Variants in TMPRSS7 observed in about 807,000 individuals in gnomAD.
TMPRSS7 encodes transmembrane protease serine 7.
In TMPRSS7, 81 loss-of-function variants were observed where a neutral mutation model predicts 95.6. The ratio of observed to expected loss-of-function variants is 0.85; its 90% CI spans 0.71 to 1.02. The LOEUF (loss-of-function observed/expected upper bound fraction) is 1.02, where lower values mean the gene tolerates loss of function less well. TMPRSS7 is among the 50% of genes least tolerant of loss of function. The pLI, the probability that TMPRSS7 is intolerant of heterozygous loss-of-function variation, is 0.00. For missense variants in TMPRSS7, 945 were observed against 955.2 expected, an observed-to-expected ratio of 0.99 and a Z score of 0.14; for synonymous variants, 364 against 337.8, an observed-to-expected ratio of 1.08 and a Z score of -0.85.
intron 10 of TMPRSS7, among the ~76,000 whole-genome samples, chr3:112,059,934 T>A (rs1421677422): frequency 1.3e-5 from 2 of 152,230 alleles, no homozygotes; most frequent in African/African-American, 4.8e-5. Flanking sequence ...GGTCATTACC[T>A]ATTGGGGAAC....
chr3:112,075,958 A>C (rs1468559578), intron 15 of TMPRSS7, among the ~76,000 whole-genome samples: 3 of 152,072 alleles, frequency 2.0e-5, no homozygotes, highest in African/African-American at 7.2e-5. Flanking sequence ...TTCACTTCTC[A>C]TTCTGCATTT....
chr3:112,038,228 C>T (rs543623693), exon 2 of TMPRSS7: 527 of 702,862 alleles, frequency 7.5e-4, no homozygotes, highest in Admixed American at 1.5e-3. Flanking sequence ...GAAAAAAGTT[C>T]CCTTTTGGAA....
At chr3:112,078,854 G>A (rs1338889012) in exon 17 of TMPRSS7, 3 of 1,613,912 alleles carry the variant, frequency 1.9e-6, no homozygotes, top group South Asian at 2.2e-5. Flanking sequence ...CAGGCATAAT[G>A]TCAGGCAAGA....
At chr3:112,047,112 T>A in intron 6 of TMPRSS7, 100 bp downstream of exon 6, 1 of 673,202 alleles carries the variant, frequency 1.5e-6, no homozygotes, top group Middle Eastern at 2.4e-4. Context: ...GCTCTTTTAA[T>A]TGCAAGTGAC....
intron 13 of TMPRSS7, among the ~76,000 whole-genome samples, chr3:112,068,487 A>C (rs1258463815): frequency 6.6e-6 from 1 of 152,014 alleles, no homozygotes; most frequent in East Asian, 1.9e-4. Flanking sequence ...GTTTGTGTCC[A>C]CTTTCATTTT....
At chr3:112,076,031 T>C (rs781351611) in intron 15 of TMPRSS7, among the ~76,000 whole-genome samples, 1 of 152,220 alleles carries the variant, frequency 6.6e-6, no homozygotes, top group Non-Finnish European at 1.5e-5. Flanking sequence ...AATTATAGGA[T>C]TTGTGTTAAT....
chr3:112,081,047 T>A (rs202171485), exon 18 of TMPRSS7: 1 of 1,610,686 alleles, frequency 6.2e-7, no homozygotes, highest in African/African-American at 1.3e-5. Context: ...TCAAACTTTG[T>A]TCCCTGGATT....
At chr3:112,046,389 T>G (rs1464212485) in intron 5 of TMPRSS7, among the ~76,000 whole-genome samples, 4 of 152,228 alleles carry the variant, frequency 2.6e-5, no homozygotes, top group African/African-American at 9.6e-5. Context: ...TTTGCCTTGA[T>G]AGTAAAATGG....
intron 5 of TMPRSS7, 67 bp from the exon 6 acceptor site, chr3:112,046,907 C>T: frequency 1.4e-6 from 1 of 692,698 alleles, no homozygotes; most frequent in Middle Eastern, 2.3e-4. Context: ...ATAATTTTTA[C>T]TAAGCAAAAT....
intron 5 of TMPRSS7, among the ~76,000 whole-genome samples, chr3:112,046,547 A>G (rs1401989823): frequency 6.6e-6 from 1 of 152,206 alleles, no homozygotes; most frequent in African/African-American, 2.4e-5. Context: ...ACACACATAC[A>G]CTAGGCATAT....
intron 2 of TMPRSS7, among the ~76,000 whole-genome samples, chr3:112,038,771 G>A (rs186145209): frequency 7.4e-4 from 113 of 152,070 alleles, no homozygotes; most frequent in Admixed American, 3.1e-3. Flanking sequence ...CGTGAACCAT[G>A]GTGCCCGGCC....
At chr3:112,054,931 GA>G (rs1412144902) in intron 9 of TMPRSS7, among the ~76,000 whole-genome samples, 1 of 151,750 alleles carries the variant, frequency 6.6e-6, no homozygotes, top group Non-Finnish European at 1.5e-5. Context: ...AGTAGAGACG[GA>G]GTTTCACCGT....
chr3:112,041,125 A>T (rs1310805856), intron 2 of TMPRSS7, among the ~76,000 whole-genome samples: 2 of 152,186 alleles, frequency 1.3e-5, no homozygotes, highest in African/African-American at 2.4e-5. Flanking sequence ...AAAAATAAAA[A>T]AACCAAAAAC....
At chr3:112,081,269 GAAAAAAAA>G (rs764048802), downstream of TMPRSS7, 783 of 119,006 alleles carry the variant, frequency 6.6e-3, 5 homozygotes, top group Non-Finnish European at 8.9e-3. Context: ...TGTCTCTACT[GAAAAAAAA>G]AAAAAAAAAA....
intron 2 of TMPRSS7, among the ~76,000 whole-genome samples, chr3:112,040,894 G>A (rs979879573): frequency 2.6e-5 from 4 of 152,110 alleles, no homozygotes; most frequent in Non-Finnish European, 4.4e-5. Flanking sequence ...GGGAGACTAC[G>A]GAGGATCTTG....
chr3:112,052,042 C>T (rs145726056), intron 9 of TMPRSS7, among the ~76,000 whole-genome samples: 1 of 152,032 alleles, frequency 6.6e-6, no homozygotes, highest in African/African-American at 2.4e-5. Context: ...ATGGAGCTTA[C>T]CTTCCAGTAG....
intron 13 of TMPRSS7, among the ~76,000 whole-genome samples, chr3:112,073,374 A>T (rs2073674328): frequency 6.6e-6 from 1 of 152,116 alleles, no homozygotes; most frequent in African/African-American, 2.4e-5. Context: ...GATTACAGGC[A>T]GGAGCCACCT....
chr3:112,065,539 G>T (rs756174849), intron 12 of TMPRSS7, among the ~76,000 whole-genome samples: 2 of 151,882 alleles, frequency 1.3e-5, no homozygotes, highest in Non-Finnish European at 2.9e-5. Context: ...TTATAATAAG[G>T]ACTGTTTTTT....
exon 3 of TMPRSS7, chr3:112,041,964 C>T (rs752819704): frequency 5.2e-6 from 8 of 1,551,418 alleles, no homozygotes; most frequent in South Asian, 1.2e-5. Flanking sequence ...TGGGATGTTT[C>T]GCATCACCAA....
Sources: gnomAD v4.1 joint callset for allele counts (sites outside exome capture counted in the v4.1 genomes callset) on GRCh38, gnomAD v4.1.1 for gene constraint, MANE v1.5 for transcripts, NCBI Gene and HGNC (gene_info 2026-07-23, HGNC 2026-07-21) for gene names.